SKAP1: variants seen among roughly 807,000 people sequenced by gnomAD.
The protein encoded by SKAP1 is src kinase-associated phosphoprotein 1.
SKAP1 carries 44 observed loss-of-function variants against 58.5 expected under a neutral mutation model. The observed-to-expected ratio is 0.75, with a 90% CI of 0.59 to 0.97. The LOEUF is 0.97. Ranked by LOEUF, SKAP1 falls within the 50% of genes least tolerant of loss-of-function variation. The pLI is 0.00. For missense variants in SKAP1, 390 were observed against 435.2 expected, an observed-to-expected ratio of 0.90 and a Z score of 0.92; for synonymous variants, 127 against 149.7, an observed-to-expected ratio of 0.85 and a Z score of 1.11.
At chr17:48,392,239 C>G (rs1468782886) in intron 2 of SKAP1, among the ~76,000 whole-genome samples, 3 of 152,150 alleles carry the variant, frequency 2.0e-5, no homozygotes, top group East Asian at 1.9e-4. Context: ...ACTAGTATAT[C>G]ATGTTTCACA....
At chr17:48,285,211 G>C (rs8065385) in intron 4 of SKAP1, among the ~76,000 whole-genome samples, 45,676 of 152,090 alleles carry the variant, frequency 0.3, 7,107 homozygotes, top group Admixed American at 0.38. Flanking sequence ...ATTTGAATAA[G>C]GGAATAAGAT....
intron 4 of SKAP1, among the ~76,000 whole-genome samples, chr17:48,229,331 C>T (rs2065102404): frequency 6.6e-6 from 1 of 152,038 alleles, no homozygotes; most frequent in South Asian, 2.1e-4. Flanking sequence ...CATCATAAAA[C>T]ATTTGCGGGC....
intron 4 of SKAP1, among the ~76,000 whole-genome samples, chr17:48,268,600 G>A (rs777598690): frequency 6.6e-6 from 1 of 151,834 alleles, no homozygotes; most frequent in East Asian, 1.9e-4. Context: ...CAAGTGATTC[G>A]CCTACCTCAG....
intron 2 of SKAP1, among the ~76,000 whole-genome samples, chr17:48,365,892 G>A (rs750646739): frequency 6.6e-6 from 1 of 151,330 alleles, no homozygotes; most frequent in Admixed American, 6.6e-5. Context: ...TCTGTTTCTG[G>A]TGGGCCACTA....
chr17:48,188,361 A>C (rs1227017673), intron 5 of SKAP1, among the ~76,000 whole-genome samples: 1 of 152,194 alleles, frequency 6.6e-6, no homozygotes, highest in Non-Finnish European at 1.5e-5. Context: ...CTCTAGTGGT[A>C]CCTACTCTAA....
At chr17:48,314,137 A>G (rs990089943) in intron 4 of SKAP1, among the ~76,000 whole-genome samples, 2 of 152,218 alleles carry the variant, frequency 1.3e-5, no homozygotes, top group Non-Finnish European at 2.9e-5. Flanking sequence ...GATGAATTGC[A>G]AAAAGTTAAA....
chr17:48,244,431 G>A (rs1353986006), intron 4 of SKAP1, among the ~76,000 whole-genome samples: 1 of 152,160 alleles, frequency 6.6e-6, no homozygotes, highest in African/African-American at 2.4e-5. Context: ...TGAAACGCCA[G>A]CAGATGGGGT....
intron 10 of SKAP1, among the ~76,000 whole-genome samples, chr17:48,169,925 C>T (rs2064187021): frequency 6.6e-6 from 1 of 152,130 alleles, no homozygotes; most frequent in South Asian, 2.1e-4. Flanking sequence ...TGAGGTGGCC[C>T]TTGCAATGTG....
intron 2 of SKAP1, among the ~76,000 whole-genome samples, chr17:48,392,349 C>T (rs1178516291): frequency 1.3e-5 from 2 of 152,144 alleles, no homozygotes; most frequent in Non-Finnish European, 2.9e-5. Context: ...CCCTGTTACA[C>T]AAAATGTATT....
chr17:48,425,523 T>C (rs1455327550), intron 1 of SKAP1, among the ~76,000 whole-genome samples: 2 of 152,222 alleles, frequency 1.3e-5, no homozygotes, highest in Non-Finnish European at 2.9e-5. Context: ...TATAGTTATA[T>C]CTCACTTTTC....
chr17:48,184,130 G>A (rs1396910403), intron 7 of SKAP1, among the ~76,000 whole-genome samples: 2 of 152,104 alleles, frequency 1.3e-5, no homozygotes, highest in African/African-American at 4.8e-5. Context: ...TTATAATGAG[G>A]TAAAGATTCA....
chr17:48,396,307 C>T (rs1272928116), intron 2 of SKAP1, among the ~76,000 whole-genome samples: 1 of 152,078 alleles, frequency 6.6e-6, no homozygotes, highest in African/African-American at 2.4e-5. Flanking sequence ...AAATCAGTAC[C>T]AAAAATCATA....
chr17:48,413,543 T>TATATATATATATATATA (rs1567905650), intron 1 of SKAP1, among the ~76,000 whole-genome samples: 4 of 117,744 alleles, frequency 3.4e-5, no homozygotes, highest in East Asian at 2.1e-4. Context: ...TATATATATA[T>TATATATATATATATATA]TTGCTCTTCA....
At chr17:48,185,030 A>C (rs1345512677) in intron 6 of SKAP1, 183 bp from the exon 7 acceptor site, 1 of 561,526 alleles carries the variant, frequency 1.8e-6, no homozygotes, top group Non-Finnish European at 3.1e-6. Context: ...GGCAGATATC[A>C]CTGCCAAGCT....
chr17:48,391,097 A>T (rs1400994462), intron 2 of SKAP1, among the ~76,000 whole-genome samples: 2 of 151,862 alleles, frequency 1.3e-5, no homozygotes, highest in Non-Finnish European at 2.9e-5. Flanking sequence ...ACTAACTAAC[A>T]ACAACAACAA....
At chr17:48,435,119 C>A (rs1047392364), upstream of SKAP1, among the ~76,000 whole-genome samples, 2 of 152,188 alleles carry the variant, frequency 1.3e-5, no homozygotes, top group Non-Finnish European at 2.9e-5. Flanking sequence ...GCCTCGGCAA[C>A]AAAGCTGAGA....
intron 3 of SKAP1, among the ~76,000 whole-genome samples, chr17:48,352,126 T>A (rs1449181076): frequency 1.3e-5 from 2 of 149,806 alleles, no homozygotes; most frequent in African/African-American, 2.4e-5. Flanking sequence ...TCTCCCACCC[T>A]GTAAGAAAAT....
intron 4 of SKAP1, among the ~76,000 whole-genome samples, chr17:48,345,302 G>A (rs939608480): frequency 2.0e-5 from 3 of 152,246 alleles, no homozygotes; most frequent in African/African-American, 7.2e-5. Context: ...TAAAAATAAT[G>A]TTTCTAACAA....
chr17:48,335,933 G>T (rs1214494732), intron 4 of SKAP1, among the ~76,000 whole-genome samples: 1 of 152,050 alleles, frequency 6.6e-6, no homozygotes, highest in Admixed American at 6.6e-5. Context: ...GTATGCGTAC[G>T]CACAGATACA....
Sources: gnomAD v4.1 joint callset for allele counts (sites outside exome capture counted in the v4.1 genomes callset) on GRCh38, gnomAD v4.1.1 for gene constraint, MANE v1.5 for transcripts, NCBI Gene and HGNC (gene_info 2026-07-23, HGNC 2026-07-21) for gene names.